Variants in EFHB observed in about 807,000 individuals in gnomAD.
The protein encoded by EFHB is EF-hand domain family member B, also known as EF-hand domain-containing family member B.
Under a neutral mutation model 87.2 loss-of-function variants are expected in EFHB, and 91 were observed. The observed-to-expected ratio is 1.04, with a 90% CI of 0.88 to 1.24. The LOEUF (loss-of-function observed/expected upper bound fraction) is 1.24, where lower values mean the gene tolerates loss of function less well. EFHB is among the 50% of genes most tolerant of loss of function. The pLI is 0.00. For synonymous variants in EFHB, 325 were observed against 333.6 expected (o/e 0.97, Z 0.28); for missense variants, 1,084 against 998.8 (o/e 1.09, Z -1.15).
chr3:19,920,530 G>C lies in EFHB; in HGVS notation c.827C>G (p.Thr276Ser). ...CCTGGGAAGTTTTTCAGTCAAGCAG[G>C]TTGCAACTCTGTAACCAACTGGAAT... ...KVIPVGYRVATCLTEKLPRLI... is the reference protein window; with the variant it reads ...KVIPVGYRVASCLTEKLPRLI... Residue 276 changes from threonine (T) to serine (S), a missense_variant, in exon 2 of 13, where the codon ACC (threonine) becomes AGC (serine). Thr to Ser is a moderately conservative substitution (Grantham distance 58). Coordinates refer to ENST00000295824, the MANE Select transcript of EFHB (RefSeq NM_144715.4). 1 of 1,603,854 alleles carries C rather than the reference G, an allele frequency of 6.2e-7. No homozygotes were observed. Among genetic ancestry groups the C allele is most frequent in the Non-Finnish European group, 8.5e-7 (1 of 1,176,488 alleles).
At chr3:19,895,274 G>A (rs977048550) in intron 9 of EFHB, among the ~76,000 whole-genome samples, 22 of 151,836 alleles carry the variant, frequency 1.4e-4, no homozygotes, top group Admixed American at 7.9e-4. Context: ...GAGGTCAGGA[G>A]ATCGAGACCA....
At chr3:19,919,443 C>T (rs901797036) in intron 3 of EFHB, among the ~76,000 whole-genome samples, 4 of 150,760 alleles carry the variant, frequency 2.7e-5, no homozygotes, top group Non-Finnish European at 4.4e-5. Context: ...CTGATCTTAG[C>T]GGATCCCCCT....
upstream of EFHB, among the ~76,000 whole-genome samples, chr3:19,935,406 T>A (rs775976939): frequency 1.3e-5 from 2 of 152,152 alleles, no homozygotes; most frequent in Non-Finnish European, 2.9e-5. Context: ...ATGAAACCCC[T>A]AGCTTGGAAT....
At chr3:19,905,929 G>A (rs1575016531) in intron 5 of EFHB, among the ~76,000 whole-genome samples, 180 bp from the exon 6 acceptor site, 1 of 152,302 alleles carries the variant, frequency 6.6e-6, no homozygotes, top group Non-Finnish European at 1.5e-5. Flanking sequence ...CATGTGAGCT[G>A]GGAGACTGGT....
intron 12 of EFHB, among the ~76,000 whole-genome samples, chr3:19,880,363 C>T (rs998626169): frequency 6.6e-6 from 1 of 151,964 alleles, no homozygotes; most frequent in Non-Finnish European, 1.5e-5. Context: ...GATTCTTCTG[C>T]CTCAGCCTCC....
At chr3:19,930,984 T>C (rs967449164) in intron 1 of EFHB, among the ~76,000 whole-genome samples, 4 of 152,068 alleles carry the variant, frequency 2.6e-5, no homozygotes, top group African/African-American at 9.6e-5. Context: ...AATACAAAAA[T>C]TAAATTTAGA....
intron 6 of EFHB, among the ~76,000 whole-genome samples, chr3:19,900,545 A>G (rs1404868444): frequency 3.9e-5 from 6 of 152,230 alleles, no homozygotes; most frequent in Non-Finnish European, 8.8e-5. Context: ...ATAATTGGGC[A>G]ATATGAATCA....
At chr3:19,905,182 T>C (rs1694798817) in intron 6 of EFHB, among the ~76,000 whole-genome samples, 1 of 151,936 alleles carries the variant, frequency 6.6e-6, no homozygotes, top group Non-Finnish European at 1.5e-5. Flanking sequence ...AGTCCAGGAG[T>C]TCAAGGTTGC....
upstream of EFHB, chr3:19,936,188 G>T (rs972883305): frequency 2.6e-6 from 3 of 1,169,042 alleles, no homozygotes; most frequent in Middle Eastern, 1.9e-4. Flanking sequence ...ATTGCTTAAC[G>T]CCAAGAATTC....
intron 2 of EFHB, 108 bp downstream of exon 2, chr3:19,920,397 A>G (rs929466785): frequency 9.0e-6 from 8 of 890,686 alleles, no homozygotes; most frequent in Non-Finnish European, 1.4e-5. Flanking sequence ...ATCCAAATTG[A>G]CCACATTAAG....
upstream of EFHB, among the ~76,000 whole-genome samples, chr3:19,935,987 C>T (rs1696005315): frequency 3.3e-5 from 2 of 61,386 alleles, no homozygotes; most frequent in South Asian, 6.6e-4. Context: ...TCCAGCCTGG[C>T]GACAGAGTGA....
intron 5 of EFHB, among the ~76,000 whole-genome samples, chr3:19,911,742 C>A (rs780090339): frequency 2.6e-5 from 4 of 151,130 alleles, no homozygotes; most frequent in Non-Finnish European, 5.9e-5. Flanking sequence ...TCAGAGAAGA[C>A]AAAAGAAAAA....
In EFHB at chr3:19,933,955, T is replaced by A; in HGVS notation, c.64A>T (p.Met22Leu). ...KDDLGDKRVI[M>L]GTKFPMELGI... is the part of the protein sequence containing the mutation. ...AACTCCATGGGAAATTTTGTTCCCA[T>A]GATGACCCTCTTGTCTCCTAAATCA... is the stretch of plus-strand genomic sequence containing the variant. Residue 22 changes from methionine (M) to leucine (L), a missense_variant, in exon 1 of 13, where the codon ATG (methionine) becomes TTG (leucine). Coordinates refer to ENST00000295824, the MANE Select transcript of EFHB (RefSeq NM_144715.4). 1 of 1,613,742 alleles carries A rather than the reference T, an allele frequency of 6.2e-7. No individual in the cohort carries two copies. Among genetic ancestry groups the A allele is most frequent in the South Asian group, 1.1e-5 (1 of 91,050 alleles).
At chr3:19,893,191 T>C (rs944736795) in intron 9 of EFHB, among the ~76,000 whole-genome samples, 3 of 152,160 alleles carry the variant, frequency 2.0e-5, no homozygotes, top group East Asian at 1.9e-4. Context: ...CCTCAGGTGA[T>C]TGGCCTCCCA....
At chr3:19,928,179 CATAAT>C (rs1386985426) in intron 1 of EFHB, among the ~76,000 whole-genome samples, 1 of 151,736 alleles carries the variant, frequency 6.6e-6, no homozygotes, top group Non-Finnish European at 1.5e-5. Context: ...ATATTATGAA[CATAAT>C]ATATCACAAG....
intron 6 of EFHB, among the ~76,000 whole-genome samples, chr3:19,899,846 G>A (rs1239578838): frequency 2.0e-5 from 3 of 152,114 alleles, no homozygotes; most frequent in Non-Finnish European, 2.9e-5. Flanking sequence ...GCTGAGGTGG[G>A]CAGATGGCTT....
At chr3:19,920,643 C>T in intron 1 of EFHB, 76 bp from the exon 2 acceptor site, 3 of 1,207,130 alleles carry the variant, frequency 2.5e-6, no homozygotes, top group South Asian at 2.8e-5. Context: ...TTATTTCAAA[C>T]TTGTCCTATG....
rs752526302 is a variant in EFHB, at chr3:19,888,568, G to C, written c.1809C>G (p.Asp603Glu). 1 of 1,601,282 alleles carries C rather than the reference G, an allele frequency of 6.2e-7. No individual in the cohort carries two copies. Among genetic ancestry groups the C allele is most frequent in the Non-Finnish European group, 8.5e-7 (1 of 1,173,272 alleles). ...CCACATCACAGTAGTCAAATAGCTGGTCCAGGAGCTTGTCATCTAAACTCA... is the reference window on the plus strand; with the variant it reads ...CCACATCACAGTAGTCAAATAGCTGCTCCAGGAGCTTGTCATCTAAACTCA... ...ANLSLDDKLL[D>E]QLFDYCDVDN... The change falls in exon 10 of 13, where the codon GAC becomes GAG. Residue 603 changes from aspartate to glutamate, a missense_variant. Transcript: ENST00000295824.
upstream of EFHB, among the ~76,000 whole-genome samples, chr3:19,934,687 G>T (rs1243182438): frequency 2.0e-5 from 3 of 152,124 alleles, no homozygotes; most frequent in Non-Finnish European, 4.4e-5. Flanking sequence ...CTGGCCATTG[G>T]CCTCTTAATG....
Sources: gnomAD v4.1 joint callset for allele counts (sites outside exome capture counted in the v4.1 genomes callset) on GRCh38, gnomAD v4.1.1 for gene constraint, MANE v1.5 for transcripts, NCBI Gene and HGNC (gene_info 2026-07-23, HGNC 2026-07-21) for gene names.